Variants in C1orf159 observed in about 807,000 individuals in gnomAD.
C1orf159 encodes the protein chromosome 1 open reading frame 159.
In C1orf159, 19 loss-of-function variants were observed where a neutral mutation model predicts 25.6. The observed-to-expected ratio is 0.74, with a 90% CI of 0.52 to 1.09. The LOEUF (loss-of-function observed/expected upper bound fraction) is 1.09. Ranked by LOEUF, C1orf159 falls within the 50% of genes least tolerant of loss-of-function variation. The pLI is 0.00. For synonymous variants in C1orf159, 139 were observed against 124.7 expected (o/e 1.12, Z -0.77); for missense variants, 274 against 290.6 (o/e 0.94, Z 0.42).
chr1:1,101,134 A>G (rs2100764090), intron 1 of C1orf159, among the ~76,000 whole-genome samples: 1 of 152,302 alleles, frequency 6.6e-6, no homozygotes, highest in Middle Eastern at 3.4e-3. Flanking sequence ...GAGAATACAG[A>G]ATTCTATGCT....
At chr1:1,085,511 C>A (rs1645814462) in intron 7 of C1orf159, among the ~76,000 whole-genome samples, 1 of 147,952 alleles carries the variant, frequency 6.8e-6, no homozygotes, top group Non-Finnish European at 1.5e-5. Flanking sequence ...GGAGGGGGGA[C>A]CATGGCTGCT....
intron 7 of C1orf159, among the ~76,000 whole-genome samples, chr1:1,084,766 C>G (rs543887400): frequency 6.6e-6 from 1 of 152,142 alleles, no homozygotes; most frequent in Non-Finnish European, 1.5e-5. Flanking sequence ...GGTGAGTCCC[C>G]GCTCCCTGGA....
At chr1:1,083,224 G>A (rs1190946455) in intron 9 of C1orf159, 4 of 489,250 alleles carry the variant, frequency 8.2e-6, no homozygotes, top group African/African-American at 2.0e-5. Flanking sequence ...TTACACCCTG[G>A]GCCCCGGGGC....
rs913794424 is a variant in C1orf159, at chr1:1,110,927, C to T, written c.-136+5133G>A. ...GGTAAAATCACAGCAGCGCTCCTGT[C>T]TGGCGCGGCAGGCGGGCGCTGGAGC... On this transcript the variant is annotated intron_variant, in intron 1 of 9. Transcript: ENST00000421241. The surrounding 1 kb of genome is among the most constrained non-coding windows in gnomAD (Gnocchi z 4.8). Among the ~76,000 whole-genome samples, 3 of 152,356 alleles carry T rather than the reference C, an allele frequency of 2.0e-5. No homozygotes were observed. The highest frequency in any genetic ancestry group is 4.4e-5 in the Non-Finnish European group (3 of 68,030).
chr1:1,104,441 C>T (rs909075524), intron 1 of C1orf159, among the ~76,000 whole-genome samples: 4 of 152,232 alleles, frequency 2.6e-5, no homozygotes, highest in Admixed American at 6.5e-5. Flanking sequence ...CTCCAGAGCC[C>T]TCAGGGAGCT....
chr1:1,112,095 C>T (rs1316891758), intron 1 of C1orf159, among the ~76,000 whole-genome samples: 1 of 152,172 alleles, frequency 6.6e-6, no homozygotes, highest in Admixed American at 6.5e-5. Flanking sequence ...ATCCCCCCAC[C>T]GGGAATGTCA....
chr1:1,099,490 A>G (rs1646063885), intron 1 of C1orf159, among the ~76,000 whole-genome samples: 1 of 146,190 alleles, frequency 6.8e-6, no homozygotes, highest in Admixed American at 6.8e-5. Context: ...GAGAGGTTAA[A>G]ATCTCCGACT....
chr1:1,085,833 C>CTGCCCTG, intron 7 of C1orf159, 45 bp downstream of exon 7: 1 of 1,608,232 alleles, frequency 6.2e-7, no homozygotes, highest in Non-Finnish European at 8.5e-7. Context: ...TGGATGCCGC[C>CTGCCCTG]TGCCCTGTGC....
At chr1:1,111,728 A>G (rs1646259157) in intron 1 of C1orf159, among the ~76,000 whole-genome samples, 1 of 152,178 alleles carries the variant, frequency 6.6e-6, no homozygotes, top group East Asian at 1.9e-4. Flanking sequence ...GGGAGGGTCC[A>G]CTGGCGGGTT....
At chr1:1,097,107 G>A (rs1330504969) in intron 1 of C1orf159, among the ~76,000 whole-genome samples, 1 of 151,868 alleles carries the variant, frequency 6.6e-6, no homozygotes, top group Non-Finnish European at 1.5e-5. Flanking sequence ...TTGGTGATTT[G>A]TGCTATCTGT....
At chr1:1,095,582 C>T (rs1214254361) in intron 1 of C1orf159, among the ~76,000 whole-genome samples, 1 of 152,230 alleles carries the variant, frequency 6.6e-6, no homozygotes, top group South Asian at 2.1e-4. Context: ...TCTTAGGACC[C>T]TCTGCATAAA....
intron 1 of C1orf159, among the ~76,000 whole-genome samples, chr1:1,099,774 C>G (rs1011367765): frequency 2.0e-5 from 3 of 150,116 alleles, no homozygotes; most frequent in African/African-American, 7.3e-5. Flanking sequence ...GTCTATTGTT[C>G]TAAGAATCGG....
chr1:1,087,173 G>T lies in C1orf159; in HGVS notation c.276C>A (p.Asn92Lys). The T allele has an allele frequency of 2.5e-6, 4 of 1,610,544 alleles. No individual in the cohort carries two copies. Among genetic ancestry groups the T allele is most frequent in the Non-Finnish European group, 3.4e-6 (4 of 1,179,418 alleles). ...GCCGCCCGGGGGTCCCTGAGCTTCT[G>T]TTCATGGGGAATGGCGCACCCGGGC... Reference protein sequence around the residue: ...FAGPGAPFPMNRSSGTPGRPH... With the variant: ...FAGPGAPFPMKRSSGTPGRPH... Residue 92 changes from asparagine to lysine, a missense_variant, in exon 6 of 10, where the codon AAC becomes AAA. Transcript: ENST00000421241. This position sits in a 1 kb window ranked among gnomAD's most constrained non-coding sequence, Gnocchi z 8.3.
At chr1:1,109,138 AC>A (rs57580757) in intron 1 of C1orf159, among the ~76,000 whole-genome samples, 2 of 90,998 alleles carry the variant, frequency 2.2e-5, no homozygotes, top group African/African-American at 1.7e-4. Flanking sequence ...GCAAGTGTCC[AC>A]CCACAGATGA....
rs536341360 is a variant in C1orf159, at chr1:1,085,500, G to A, written c.445+378C>T. 7.7e-4 allele frequency among the ~76,000 whole-genome samples: 117 copies of A among 151,358 alleles called. 1 individual carries two copies. Among genetic ancestry groups the A allele is most frequent in the African/African-American group, 2.8e-3 (115 of 41,308 alleles). ...CTGGCCAGCCCTGACCCCAGGAGAG[G>A]GGAGGGGGGACCATGGCTGCTGGAG... On this transcript the variant is annotated intron_variant, in intron 7 of 9. Coordinates refer to ENST00000421241, the MANE Select transcript of C1orf159 (RefSeq NM_017891.5).
chr1:1,086,489 G>A (rs1645832656), intron 6 of C1orf159, among the ~76,000 whole-genome samples: 1 of 152,258 alleles, frequency 6.6e-6, no homozygotes, highest in African/African-American at 2.4e-5. Flanking sequence ...CAGGGCTGCT[G>A]GCCTGGGGCT....
intron 7 of C1orf159, 43 bp downstream of exon 7, chr1:1,085,835 G>A: frequency 6.2e-7 from 1 of 1,609,298 alleles, no homozygotes; most frequent in Non-Finnish European, 8.5e-7. Flanking sequence ...GATGCCGCCT[G>A]CCCTGTGCCC....
intron 1 of C1orf159, among the ~76,000 whole-genome samples, chr1:1,099,151 T>A (rs1217101568): frequency 6.6e-6 from 1 of 152,114 alleles, no homozygotes; most frequent in South Asian, 2.1e-4. Flanking sequence ...ATGTTTTTGG[T>A]CTATTATTCT....
In C1orf159 at chr1:1,096,104, T is replaced by C. The variant is rs562941204; in HGVS notation, c.-135-4001A>G. Among the ~76,000 whole-genome samples the C allele has an allele frequency of 1.4e-4, 21 of 152,352 alleles. No individual in the cohort carries two copies. The East Asian group carries it at 4.0e-3, about 29-fold the overall frequency. ...TCGTAAGGATTTTTGCCTGTGTTCA[T>C]GAAGGATAGTGGTCTATAATTTTTT... On this transcript the variant is annotated intron_variant, in intron 1 of 9. Transcript: ENST00000421241.
Sources: allele counts gnomAD v4.1 joint callset (sites outside exome capture counted in the v4.1 genomes callset), GRCh38; gene constraint gnomAD v4.1.1; non-coding constraint Gnocchi (gnomAD v3.1); transcripts MANE v1.5; gene names NCBI Gene and HGNC (gene_info 2026-07-23, HGNC 2026-07-21).